Variants in TNFRSF19 observed in about 807,000 individuals in gnomAD.
TNFRSF19 encodes tumor necrosis factor receptor superfamily member 19.
A neutral mutation model predicts 46.4 loss-of-function variants in TNFRSF19; 27 were observed. The ratio of observed to expected loss-of-function variants is 0.58; its 90% confidence interval spans 0.43 to 0.80. The LOEUF (loss-of-function observed/expected upper bound fraction) is 0.80, where lower values mean the gene tolerates loss of function less well. Ranked by LOEUF, TNFRSF19 falls within the 30% of genes least tolerant of loss-of-function variation. The pLI is 0.00. For synonymous variants in TNFRSF19, 204 were observed against 205.0 expected (o/e 1.00, Z 0.04); for missense variants, 511 against 530.8 (o/e 0.96, Z 0.37).
intron 5 of TNFRSF19, among the ~76,000 whole-genome samples, chr13:23,643,197 A>T (rs541369873): frequency 6.6e-6 from 1 of 152,378 alleles, no homozygotes; most frequent in East Asian, 1.9e-4. Flanking sequence ...GCAGAGATAA[A>T]GTAGCATCTA....
At chr13:23,590,054 C>T in intron 1 of TNFRSF19, 96 bp from the exon 2 acceptor site, 3 of 481,458 alleles carry the variant, frequency 6.2e-6, no homozygotes, top group South Asian at 7.4e-5. Context: ...ATATTTATTA[C>T]CTAGTCTATA....
chr13:23,630,460 C>T lies in TNFRSF19; in HGVS notation c.445+3668C>T, dbSNP rs372216060. On this transcript the variant is annotated intron_variant, in intron 5 of 9. Coordinates refer to ENST00000248484, the MANE Select transcript of TNFRSF19 (RefSeq NM_148957.4). The stretch of plus-strand genomic sequence containing the variant: ...CCCCCACCAGATGAGCTGTATGCCC[C>T]GCCTCCCCAATAACAATGGATTTGT... Among the ~76,000 whole-genome samples the T allele has an allele frequency of 3.7e-4, 56 of 152,236 alleles. No homozygotes were observed. In the East Asian group the frequency reaches 5.6e-3, roughly 15 times the overall value.
At chr13:23,604,290 G>A (rs7321535) in intron 3 of TNFRSF19, among the ~76,000 whole-genome samples, 99,877 of 150,884 alleles carry the variant, frequency 0.66, 33,724 homozygotes, top group African/African-American at 0.78. Flanking sequence ...CTAGGGATAA[G>A]TCTAACAAAA....
chr13:23,618,688 C>T (rs888563191), intron 4 of TNFRSF19, among the ~76,000 whole-genome samples: 3 of 152,154 alleles, frequency 2.0e-5, no homozygotes, highest in Admixed American at 6.5e-5. Context: ...ACTGAAAACA[C>T]GTCCACACAA....
chr13:23,656,576 A>T (rs1363726203), intron 5 of TNFRSF19, among the ~76,000 whole-genome samples: 1 of 152,234 alleles, frequency 6.6e-6, no homozygotes, highest in Admixed American at 6.5e-5. Context: ...ACAACAGTTG[A>T]GAACTTTGAA....
chr13:23,674,079 C>T lies in TNFRSF19; in HGVS notation c.*699C>T, dbSNP rs1452838428. 3 of 152,138 alleles carry T rather than the reference C, an allele frequency of 2.0e-5. No individual in the cohort carries two copies. Among genetic ancestry groups the T allele is most frequent in the Non-Finnish European group, 4.4e-5 (3 of 68,028 alleles). The allele number at this position is 152,138 out of a possible 1,614,324, so 9.4% of individuals were successfully genotyped here. A position where few individuals can be genotyped will look rare whatever the true frequency, so the allele number is the denominator to read the frequency against. ...AACACCCGCTGATCTCAGGAGAACA[C>T]CTGGGCTAGGGAATGTGGTCGAGAA... On this transcript the variant is annotated 3_prime_UTR_variant, in exon 10 of 10. Transcript: ENST00000248484.
intron 1 of TNFRSF19, among the ~76,000 whole-genome samples, chr13:23,587,208 G>C (rs1196276093): frequency 1.3e-5 from 2 of 152,038 alleles, no homozygotes; most frequent in Non-Finnish European, 2.9e-5. Flanking sequence ...ATAACCTTTT[G>C]ATTGCCTTAT....
intron 1 of TNFRSF19, among the ~76,000 whole-genome samples, chr13:23,582,290 A>G (rs1477392288): frequency 6.6e-6 from 1 of 150,894 alleles, no homozygotes; most frequent in African/African-American, 2.4e-5. Flanking sequence ...AGTCCCAGCT[A>G]CTCGGGAGGC....
intron 1 of TNFRSF19, among the ~76,000 whole-genome samples, chr13:23,588,219 T>C (rs1287501996): frequency 6.6e-6 from 1 of 152,152 alleles, no homozygotes; most frequent in Non-Finnish European, 1.5e-5. Context: ...AAACTGAGAC[T>C]CAGGGTTAAG....
intron 1 of TNFRSF19, among the ~76,000 whole-genome samples, chr13:23,580,721 C>T (rs910273923): frequency 6.6e-5 from 10 of 152,218 alleles, no homozygotes. Context: ...GATGTGAGTA[C>T]TTAAAAAGAA....
At chr13:23,662,215 G>T (rs1242681189) in intron 7 of TNFRSF19, among the ~76,000 whole-genome samples, 2 of 152,126 alleles carry the variant, frequency 1.3e-5, no homozygotes, top group Non-Finnish European at 2.9e-5. Flanking sequence ...TTTGTATATG[G>T]TGTAAAGAAG....
rs1951791370 is a variant in TNFRSF19 at position 23,673,833 on chromosome 13, C to T, written c.*453C>T. 6.4e-6 allele frequency: 1 copy of T among 157,256 alleles called. No homozygotes were observed. Among genetic ancestry groups the T allele is most frequent in the South Asian group, 2.0e-4 (1 of 4,890 alleles). The allele number at this position is 157,256 out of a possible 1,614,324, so 9.7% of individuals were successfully genotyped here. On this transcript the variant is annotated 3_prime_UTR_variant, in exon 10 of 10. Coordinates refer to ENST00000248484, the MANE Select transcript of TNFRSF19 (RefSeq NM_148957.4). ...CGCCTATGAAATATCAGATAAATTA[C>T]CTTAGCTTTTATGTAGAATGGGTTC...
At chr13:23,645,594 G>T (rs1349123785) in intron 5 of TNFRSF19, among the ~76,000 whole-genome samples, 3 of 152,094 alleles carry the variant, frequency 2.0e-5, no homozygotes, top group Non-Finnish European at 4.4e-5. Flanking sequence ...TTTTATACCT[G>T]CTTGTTTTCC....
chr13:23,602,116 C>T (rs1362362547), intron 3 of TNFRSF19, among the ~76,000 whole-genome samples: 1 of 152,064 alleles, frequency 6.6e-6, no homozygotes, highest in Non-Finnish European at 1.5e-5. Flanking sequence ...ACTCTGTGGT[C>T]TACAAGAACC....
intron 3 of TNFRSF19, among the ~76,000 whole-genome samples, chr13:23,615,617 C>T (rs1262274255): frequency 6.6e-6 from 1 of 152,200 alleles, no homozygotes; most frequent in African/African-American, 2.4e-5. Flanking sequence ...CAGTGGGAGC[C>T]TGAGAGACCC....
intron 2 of TNFRSF19, among the ~76,000 whole-genome samples, chr13:23,592,688 C>G (rs1879402380): frequency 6.6e-6 from 1 of 152,130 alleles, no homozygotes; most frequent in Non-Finnish European, 1.5e-5. Flanking sequence ...TCATCATCAC[C>G]AAGGATTTTA....
intron 9 of TNFRSF19, chr13:23,669,781 T>C (rs1951726068): frequency 7.7e-6 from 7 of 913,330 alleles, no homozygotes. Context: ...GGCACGTCTC[T>C]GCTTTCTTCA....
chr13:23,610,895 G>A (rs1593253731), intron 3 of TNFRSF19, among the ~76,000 whole-genome samples: 1 of 151,678 alleles, frequency 6.6e-6, no homozygotes, highest in African/African-American at 2.4e-5. Flanking sequence ...TCAAGGATTC[G>A]GGGAAGTACT....
intron 3 of TNFRSF19, among the ~76,000 whole-genome samples, chr13:23,608,372 A>G (rs558504277): frequency 6.6e-6 from 1 of 152,356 alleles, no homozygotes; most frequent in African/African-American, 2.4e-5. Flanking sequence ...GCCAGGTACT[A>G]TGTGATCTTT....
Sources: allele counts gnomAD v4.1 joint callset (sites outside exome capture counted in the v4.1 genomes callset), GRCh38; gene constraint gnomAD v4.1.1; transcripts MANE v1.5; gene names NCBI Gene and HGNC (gene_info 2026-07-23, HGNC 2026-07-21).